Variants in DNHD1 observed in about 807,000 individuals in gnomAD.
The protein encoded by DNHD1 is dynein heavy chain domain-containing protein 1.
DNHD1 carries 383 observed loss-of-function variants against 458.1 expected under a neutral mutation model. The ratio of observed to expected loss-of-function variants is 0.84; its 90% CI spans 0.77 to 0.91. The LOEUF (loss-of-function observed/expected upper bound fraction) is 0.91, where lower values mean the gene tolerates loss of function less well. DNHD1 is among the 40% of genes least tolerant of loss of function. The pLI, the probability that DNHD1 is intolerant of heterozygous loss-of-function variation, is 0.00. For missense variants in DNHD1, 5,336 were observed against 5,866.1 expected (o/e 0.91, Z 2.95); for synonymous variants, 2,203 against 2,376.9 (o/e 0.93, Z 2.13).
chr11:6,569,957 C>T (rs1589900437), intron 39 of DNHD1, 52 bp from the exon 40 acceptor site: 1 of 1,516,346 alleles, frequency 6.6e-7, no homozygotes, highest in Non-Finnish European at 9.1e-7. Flanking sequence ...ACTTGACAGT[C>T]CTCAGCATAT....
rs1196343107 is a variant in DNHD1, at chr11:6,547,564, G to C, written c.6625G>C (p.Ala2209Pro). The change falls in exon 21 of 43, where the codon GCT becomes CCT. Residue 2209 changes from alanine (A) to proline (P), a missense_variant. This residue lies in a region of DNHD1 where 3,932 missense variants were observed against 4,365.6 expected (regional missense o/e 0.90). Coordinates refer to ENST00000254579, the MANE Select transcript of DNHD1 (RefSeq NM_144666.3). ...SSLLQVHGQQ[A>P]VCAGVAEVTS... ...TCTGCTGCAGGTACACGGGCAGCAG[G>C]CTGTTTGTGCAGGTGTGGCAGAAGT... The C allele has an allele frequency of 1.3e-6, 2 of 1,550,726 alleles. No homozygotes were observed. Among genetic ancestry groups the C allele is most frequent in the South Asian group, 2.4e-5 (2 of 84,036 alleles).
chr11:6,564,813 G>A lies in DNHD1; in HGVS notation c.10756+9G>A, dbSNP rs750335568. 6.7e-7 allele frequency: 1 copy of A among 1,497,130 alleles called. No individual in the cohort carries two copies. Among genetic ancestry groups the A allele is most frequent in the East Asian group, 2.5e-5 (1 of 40,190 alleles). 92.7% of individuals were successfully genotyped at this position (1,497,130 alleles called of 1,614,324 possible). A position where few individuals can be genotyped will look rare whatever the true frequency, so the allele number is the denominator to read the frequency against. On this transcript the variant is annotated intron_variant, in intron 32 of 42. Coordinates refer to ENST00000254579, the MANE Select transcript of DNHD1 (RefSeq NM_144666.3). ...CCTCACTGAGGGTAGAGGTAAGCAG[G>A]CATAATAAATGCAATGCTTCCGGAG...
rs2134455732 is a variant in DNHD1 at position 6,564,357 on chromosome 11, G to A, written c.10309G>A (p.Val3437Met). ...GAAGCTGAAGGGACGCTGCATGACTGTGTTTGGAGATACCCTCCTATGTTC... is the reference window on the plus strand; with the variant it reads ...GAAGCTGAAGGGACGCTGCATGACTATGTTTGGAGATACCCTCCTATGTTC... ...LQKLKGRCMT[V>M]FGDTLLCSAA... Residue 3437 changes from valine to methionine, a missense_variant, in exon 32 of 43, where the codon GTG becomes ATG. Physicochemically the swap from Val to Met is conservative, Grantham distance 21. Around this residue, in one of 4 missense-constraint regions of DNHD1, gnomAD observed 3,932 missense variants for 4,365.6 expected, o/e 0.90. Transcript: ENST00000254579. The A allele has an allele frequency of 1.3e-6, 2 of 1,546,520 alleles. No individual in the cohort carries two copies. The highest frequency in any genetic ancestry group is 2.5e-5 in the East Asian group (1 of 40,754).
At position 6,545,545 on chromosome 11, in the gene DNHD1, G is replaced by C. The variant is rs1300647113; in HGVS notation, c.4606G>C (p.Val1536Leu). The change falls in exon 21 of 43, where the codon GTC becomes CTC. Residue 1536 changes from valine (V) to leucine (L), a missense_variant. Physicochemically the swap from Val to Leu is conservative, Grantham distance 32 (BLOSUM62 1). This residue lies in a region of DNHD1 where 3,932 missense variants were observed against 4,365.6 expected (regional missense o/e 0.90). Coordinates refer to ENST00000254579, the MANE Select transcript of DNHD1 (RefSeq NM_144666.3). The surrounding 1 kb of genome is among the most constrained non-coding windows in gnomAD (Gnocchi z 4.9). ...GCTTGAGTGGGGTACCCTGGCCATG[G>C]TCTCCATGCATATGCGCAAGCTTGA... ...ALLEWGTLAM[V>L]SMHMRKLEVL... 1.9e-6 allele frequency: 3 copies of C among 1,551,822 alleles called. No individual in the cohort carries two copies. Among genetic ancestry groups the C allele is most frequent in the Non-Finnish European group, 2.6e-6 (3 of 1,147,042 alleles).
intron 28 of DNHD1, among the ~76,000 whole-genome samples, chr11:6,561,705 T>C (rs1727992323): frequency 6.6e-6 from 1 of 152,096 alleles, no homozygotes; most frequent in Admixed American, 6.6e-5. Flanking sequence ...TATAAACAAA[T>C]GAATGAAGTA....
At chr11:6,561,930 G>C (rs972163242) in intron 28 of DNHD1, among the ~76,000 whole-genome samples, 11 of 152,160 alleles carry the variant, frequency 7.2e-5, no homozygotes, top group African/African-American at 2.2e-4. Context: ...TAGGGGCCTG[G>C]TCATGGGGGT....
At position 6,559,211 on chromosome 11, in the gene DNHD1, G is replaced by T. The variant is rs1853533148; in HGVS notation, c.9447G>T (p.Met3149Ile). 2 of 1,551,672 alleles carry T rather than the reference G, an allele frequency of 1.3e-6. No homozygotes were observed. The highest frequency in any genetic ancestry group is 8.7e-7 in the Non-Finnish European group (1 of 1,146,992). Residue 3149 changes from methionine (M) to isoleucine (I), a missense_variant, in exon 28 of 43, where the codon ATG becomes ATT. Met to Ile is a conservative substitution (Grantham distance 10, BLOSUM62 1). This residue lies in a region of DNHD1 where 3,932 missense variants were observed against 4,365.6 expected (regional missense o/e 0.90). Coordinates refer to ENST00000254579, the MANE Select transcript of DNHD1 (RefSeq NM_144666.3). ...AGAATGCCTTGGAGAATCTGAGAAT[G>T]CTGATTAAGGAGCACGGTACCCATG... ...RVQNALENLRMLIKEHGTHAN... is the reference protein window; with the variant it reads ...RVQNALENLRILIKEHGTHAN...
Position 6,502,828 on chromosome 11 carries a change from C to G in DNHD1, c.822C>G (p.Ser274=). 2 of 1,613,080 alleles carry G rather than the reference C, an allele frequency of 1.2e-6. No homozygotes were observed. Among genetic ancestry groups the G allele is most frequent in the Non-Finnish European group, 1.7e-6 (2 of 1,179,584 alleles). ...KSSTGFSPET[S]FLDSQVMTAL... is the part of the protein sequence containing the mutation. Reference sequence around the variant, plus strand: ...GCACCGGCTTTTCACCTGAGACTTCCTTCCTGGATAGCCAGGTGATGACTG... The same window carrying G: ...GCACCGGCTTTTCACCTGAGACTTCGTTCCTGGATAGCCAGGTGATGACTG... Residue 274 remains serine (S), a synonymous_variant, in exon 4 of 43, where the codon TCC becomes TCG. Transcript: ENST00000254579.
chr11:6,499,108 A>C lies in DNHD1; in HGVS notation c.746+147A>C, dbSNP rs991972272. ...CTCCACACAAAGCTAGTGTGAGGCTACTTTCCTCTTCCTTTTTCTCTGCAA... is the reference window on the plus strand; with the variant it reads ...CTCCACACAAAGCTAGTGTGAGGCTCCTTTCCTCTTCCTTTTTCTCTGCAA... On this transcript the variant is annotated intron_variant, in intron 3 of 42. Coordinates refer to ENST00000254579, the MANE Select transcript of DNHD1 (RefSeq NM_144666.3). 3 of 881,722 alleles carry C rather than the reference A, an allele frequency of 3.4e-6. No homozygotes were observed. The African/African-American group carries it at 5.1e-5, about 15-fold the overall frequency. The allele number at this position is 881,722 out of a possible 1,614,324, so 54.6% of individuals were successfully genotyped here.
chr11:6,545,756 A>G lies in DNHD1; in HGVS notation c.4817A>G (p.Lys1606Arg), dbSNP rs770349878. 1.9e-6 allele frequency: 3 copies of G among 1,551,750 alleles called. No individual in the cohort carries two copies. The highest frequency in any genetic ancestry group is 2.4e-5 in the East Asian group (1 of 40,928). ...GACTTTCACTGGGTCCGCCAACTCA[A>G]GTATCACTTGGGTTCACCTCACATA... is the stretch of plus-strand genomic sequence containing the variant. The part of the protein sequence containing the change: ...LTDFHWVRQL[K>R]YHLGSPHIIP... Residue 1606 changes from lysine (K) to arginine (R), a missense_variant, in exon 21 of 43, where the codon AAG becomes AGG. By Grantham distance (26) the Lys-to-Arg change is conservative. Coordinates refer to ENST00000254579, the MANE Select transcript of DNHD1 (RefSeq NM_144666.3). The surrounding 1 kb of genome is among the most constrained non-coding windows in gnomAD (Gnocchi z 4.9).
At chr11:6,532,111 G>T (rs1852838355) in intron 12 of DNHD1, among the ~76,000 whole-genome samples, 1 of 152,166 alleles carries the variant, frequency 6.6e-6, no homozygotes, top group Non-Finnish European at 1.5e-5. Flanking sequence ...ATAGTGTCTG[G>T]TATGTAGAAA....
chr11:6,536,341 T>C (rs527436352), intron 14 of DNHD1, among the ~76,000 whole-genome samples: 6 of 152,266 alleles, frequency 3.9e-5, no homozygotes, highest in African/African-American at 1.4e-4. Context: ...ATATGGACAG[T>C]AGATTAAAAT....
In DNHD1 at chr11:6,543,894, T is replaced by C. The variant is rs11826660; in HGVS notation, c.3629-227T>C. ...GTGAATTGCTTGAACCCAGGAAGCATAGTACAGTGAGCTGAGATCGTGCCA... is the reference window on the plus strand; with the variant it reads ...GTGAATTGCTTGAACCCAGGAAGCACAGTACAGTGAGCTGAGATCGTGCCA... On this transcript the variant is annotated intron_variant, in intron 18 of 42. Transcript: ENST00000254579. 6.7e-3 allele frequency among the ~76,000 whole-genome samples: 862 copies of C among 128,884 alleles called. 9 individuals are homozygous for C. The highest frequency in any genetic ancestry group is 0.024 in the African/African-American group (791 of 33,336). 84.6% of individuals were successfully genotyped at this position (128,884 alleles called of 152,430 possible). A position where few individuals can be genotyped will look rare whatever the true frequency, so the allele number is the denominator to read the frequency against.
In DNHD1 at chr11:6,519,995, C is replaced by G. The variant is rs11603869; in HGVS notation, c.1678C>G (p.Gln560Glu). The change falls in exon 9 of 43, where the codon CAG becomes GAG. Residue 560 changes from glutamine (Q) to glutamate (E), a missense_variant. Coordinates refer to ENST00000254579, the MANE Select transcript of DNHD1 (RefSeq NM_144666.3). ...APRQKPFLSS[Q>E]LVFDDHGQLS... is the part of the protein sequence containing the mutation. ...AAGGCAGAAACCCTTTCTCTCATCA[C>G]AGCTGGTCTTTGATGATCATGGTCA... 0.19 allele frequency: 312,773 copies of G among 1,614,046 alleles called. 32,011 individuals carry two copies. Among genetic ancestry groups the G allele is most frequent in the South Asian group, 0.23 (20,569 of 91,074 alleles).
chr11:6,535,351 AAAGAAACCCCAGTAGC>A, intron 14 of DNHD1, among the ~76,000 whole-genome samples: 1 of 152,328 alleles, frequency 6.6e-6, no homozygotes, highest in Non-Finnish European at 1.5e-5. Flanking sequence ...GACATGAAGC[AAAGAAACCCCAGTAGC>A]AAGAAGCCAC....
chr11:6,571,490 T>C lies in DNHD1; in HGVS notation c.13911+67T>C. The C allele has an allele frequency of 6.8e-6, 10 of 1,479,374 alleles. No homozygotes were observed. Among genetic ancestry groups the C allele is most frequent in the Non-Finnish European group, 9.0e-6 (10 of 1,108,266 alleles). The allele number at this position is 1,479,374 out of a possible 1,614,324, so 91.6% of individuals were successfully genotyped here. On this transcript the variant is annotated intron_variant, in intron 42 of 42. Transcript: ENST00000254579. The surrounding 1 kb of genome is among the most constrained non-coding windows in gnomAD (Gnocchi z 5.0). The stretch of plus-strand genomic sequence containing the variant: ...GAAGTCTCTAATTACACCTCGCAGT[T>C]ACCCCTTCTTGGTGATCTTGCCCCC...
chr11:6,504,646 A>G (rs934434364), intron 4 of DNHD1, among the ~76,000 whole-genome samples: 22 of 152,110 alleles, frequency 1.4e-4, no homozygotes, highest in Non-Finnish European at 2.4e-4. Flanking sequence ...ACAGGGTTTC[A>G]TCATGTTGGT....
At chr11:6,534,261 G>A (rs1423551167) in intron 14 of DNHD1, 88 bp downstream of exon 14, 1 of 1,356,084 alleles carries the variant, frequency 7.4e-7, no homozygotes, top group East Asian at 2.5e-5. Flanking sequence ...TCTGTGTCCT[G>A]TATGACCCCA....
intron 7 of DNHD1, 79 bp downstream of exon 7, chr11:6,511,508 T>A (rs895085575): frequency 1.9e-6 from 3 of 1,547,828 alleles, no homozygotes; most frequent in African/African-American, 1.4e-5. Context: ...TAGTTAAGTT[T>A]CTCCTGGAAT....
Sources: gnomAD v4.1 joint callset for allele counts (sites outside exome capture counted in the v4.1 genomes callset) on GRCh38, gnomAD v4.1.1 for gene constraint, gnomAD v4.1.1 regional missense constraint, Gnocchi (gnomAD v3.1) non-coding constraint, MANE v1.5 for transcripts, NCBI Gene and HGNC (gene_info 2026-07-23, HGNC 2026-07-21) for gene names.